Variants in PCDHA2 observed in about 807,000 individuals in gnomAD.
PCDHA2 encodes protocadherin alpha-2.
Under a neutral mutation model 66.0 loss-of-function variants are expected in PCDHA2, and 58 were observed. The observed-to-expected ratio is 0.88, with a 90% confidence interval of 0.71 to 1.09. The LOEUF is 1.09. PCDHA2 is among the 50% of genes least tolerant of loss of function. PCDHA2 has a pLI of 0.00. For synonymous variants in PCDHA2, 634 were observed against 554.0 expected (o/e 1.14, Z -2.03); for missense variants, 1,267 against 1,242.3 (o/e 1.02, Z -0.30).
intron 1 of PCDHA2, chr5:140,808,876 A>G (rs782501208): frequency 2.5e-6 from 4 of 1,613,190 alleles, no homozygotes; most frequent in East Asian, 4.5e-5. Context: ...ACAACGCGCC[A>G]GCACTGCTAG....
At chr5:140,931,021 G>C (rs2153606770) in intron 1 of PCDHA2, among the ~76,000 whole-genome samples, 1 of 152,272 alleles carries the variant, frequency 6.6e-6, no homozygotes, top group Admixed American at 6.5e-5. Flanking sequence ...GGAATTTTCT[G>C]ATTGTAGAGC....
intron 1 of PCDHA2, among the ~76,000 whole-genome samples, chr5:140,889,028 C>T (rs1015343865): frequency 4.0e-5 from 6 of 151,754 alleles, no homozygotes; most frequent in African/African-American, 7.3e-5. Flanking sequence ...CTTGGATAAC[C>T]GTAATTTGAT....
chr5:140,992,584 T>C (rs1327367703), intron 3 of PCDHA2, among the ~76,000 whole-genome samples: 1 of 152,194 alleles, frequency 6.6e-6, no homozygotes, highest in Non-Finnish European at 1.5e-5. Context: ...CTGCCTTGTA[T>C]GCATCTAGCG....
At chr5:140,848,137 T>G in intron 1 of PCDHA2, 1 of 195,782 alleles carries the variant, frequency 5.1e-6, no homozygotes, top group Non-Finnish European at 1.1e-5. Context: ...ATACAAAACT[T>G]TTAGAGGCAG....
intron 1 of PCDHA2, chr5:140,834,557 G>A (rs1484712416): frequency 1.9e-6 from 3 of 1,613,996 alleles, no homozygotes; most frequent in East Asian, 2.2e-5. Context: ...AGCTGGCGGA[G>A]CTGGTGCCGC....
At chr5:140,809,162 C>T in intron 1 of PCDHA2, 1 of 1,614,004 alleles carries the variant, frequency 6.2e-7, no homozygotes. Context: ...CGAGCCCGCG[C>T]TGACGGCCAC....
chr5:140,848,874 A>G (rs2040648635), intron 1 of PCDHA2: 2 of 1,590,884 alleles, frequency 1.3e-6, no homozygotes, highest in East Asian at 2.2e-5. Flanking sequence ...GAAGGACATT[A>G]ACGACAACCC....
chr5:140,877,406 A>G (rs1554169685), intron 1 of PCDHA2: 2 of 1,613,868 alleles, frequency 1.2e-6, no homozygotes, highest in East Asian at 2.2e-5. Flanking sequence ...GCTCCGCGCC[A>G]CCGCCTGCTG....
In PCDHA2 at chr5:140,853,642, T is replaced by C. The variant is rs112112795; in HGVS notation, c.2388+56290T>C. 87 of 988,768 alleles carry C rather than the reference T, an allele frequency of 8.8e-5. 2 individuals carry two copies. Among genetic ancestry groups the C allele is most frequent in the Middle Eastern group, 1.1e-3 (2 of 1,882 alleles). 61.2% of individuals were successfully genotyped at this position (988,768 alleles called of 1,614,324 possible). A position where few individuals can be genotyped will look rare whatever the true frequency, so the allele number is the denominator to read the frequency against. ...AAGTATACAAGATCACAGACCTAAA[T>C]TGAGCCTGTTCCAGACAAATTGGGG... On this transcript the variant is annotated intron_variant, in intron 1 of 3. Coordinates refer to ENST00000526136, the MANE Select transcript of PCDHA2 (RefSeq NM_018905.3).
In PCDHA2 at chr5:140,836,149, A is replaced by C. The variant is rs1463857547; in HGVS notation, c.2388+38797A>C. On this transcript the variant is annotated intron_variant, in intron 1 of 3. Coordinates refer to ENST00000526136, the MANE Select transcript of PCDHA2 (RefSeq NM_018905.3). Reference sequence around the variant, plus strand: ...GTGCCGCGGTCTGTGGGCGCGGGCCATGTGGTGGCGAAGGTACGTGCAGTT... The same window carrying C: ...GTGCCGCGGTCTGTGGGCGCGGGCCCTGTGGTGGCGAAGGTACGTGCAGTT... The C allele has an allele frequency of 1.2e-6, 2 of 1,613,636 alleles. No homozygotes were observed. The highest frequency in any genetic ancestry group is 1.7e-6 in the Non-Finnish European group (2 of 1,179,796).
At chr5:140,822,534 T>C (rs2150117075) in intron 1 of PCDHA2, 3 of 1,613,922 alleles carry the variant, frequency 1.9e-6, no homozygotes, top group East Asian at 2.2e-5. Context: ...TGTTGGAAAA[T>C]GCACCAAGTG....
At chr5:140,826,342 C>CTG (rs1768912564) in intron 1 of PCDHA2, among the ~76,000 whole-genome samples, 1 of 152,070 alleles carries the variant, frequency 6.6e-6, no homozygotes, top group Non-Finnish European at 1.5e-5. Context: ...AAATTGAACC[C>CTG]TTTGTTTGCC....
In PCDHA2 at chr5:140,797,273, T is replaced by G. The variant is rs548160646; in HGVS notation, c.2309T>G (p.Met770Arg). Residue 770 changes from methionine (M) to arginine (R), a missense_variant, in exon 1 of 4, where the codon ATG (methionine) becomes AGG (arginine). Transcript: ENST00000526136. ...GAGGACCCCCCCAAGACGGACCTCATGGCCTTCAGCCCTAGCTTATCTCAA... is the reference window on the plus strand; with the variant it reads ...GAGGACCCCCCCAAGACGGACCTCAGGGCCTTCAGCCCTAGCTTATCTCAA... ...SGEDPPKTDL[M>R]AFSPSLSQGP... is the part of the protein sequence containing the mutation. 6.2e-7 allele frequency: 1 copy of G among 1,614,226 alleles called. No individual in the cohort carries two copies. The highest frequency in any genetic ancestry group is 2.2e-5 in the East Asian group (1 of 44,870).
intron 3 of PCDHA2, among the ~76,000 whole-genome samples, chr5:141,000,343 C>G (rs1410684542): frequency 1.7e-5 from 2 of 116,202 alleles, no homozygotes; most frequent in Admixed American, 9.0e-5. Context: ...GGCCCTATCT[C>G]TCTCTCTGTC....
chr5:140,856,563 G>A (rs1554148859), intron 1 of PCDHA2: 3 of 1,597,526 alleles, frequency 1.9e-6, no homozygotes, highest in Middle Eastern at 1.7e-4. Context: ...TACAAACTCA[G>A]TCCAAATGAG....
intron 1 of PCDHA2, chr5:140,822,029 T>C (rs1258715639): frequency 2.5e-6 from 4 of 1,614,166 alleles, no homozygotes; most frequent in Non-Finnish European, 3.4e-6. Flanking sequence ...ATTTTGTTTG[T>C]GAATTCTCGG....
At chr5:140,864,034 T>C (rs2048289814) in intron 1 of PCDHA2, 1 of 153,038 alleles carries the variant, frequency 6.5e-6, no homozygotes, top group African/African-American at 2.4e-5. Flanking sequence ...CTAGCCATCT[T>C]AATCACTTTT....
At chr5:140,868,817 T>C in intron 1 of PCDHA2, 1 of 380,686 alleles carries the variant, frequency 2.6e-6, no homozygotes, top group South Asian at 6.7e-5. Context: ...TTGGAAATAT[T>C]TGGGGGAAGA....
chr5:140,978,994 G>A lies in PCDHA2; in HGVS notation c.2434G>A (p.Ala812Thr). The A allele has an allele frequency of 6.2e-7, 1 of 1,614,152 alleles. No homozygotes were observed. The highest frequency in any genetic ancestry group is 8.5e-7 in the Non-Finnish European group (1 of 1,180,022). The change falls in exon 2 of 4, where the codon GCA (alanine) becomes ACA (threonine). Residue 812 changes from alanine to threonine, a missense_variant. Coordinates refer to ENST00000526136, the MANE Select transcript of PCDHA2 (RefSeq NM_018905.3). ...CTGGCGTTACTCTGCCTCCCTGAGA[G>A]CAGGCATGCACAGGTATGTATTTCC... ...PDWRYSASLR[A>T]GMHSSVHLEE... is the part of the protein sequence containing the mutation.
Sources: gnomAD v4.1 joint callset for allele counts (sites outside exome capture counted in the v4.1 genomes callset) on GRCh38, gnomAD v4.1.1 for gene constraint, MANE v1.5 for transcripts, NCBI Gene and HGNC (gene_info 2026-07-23, HGNC 2026-07-21) for gene names.